The following CTDSPL variants were observed in gnomAD, a reference collection of about 807,000 sequenced individuals.
The protein encoded by CTDSPL is CTD small phosphatase like, also known as CTD small phosphatase-like protein.
Under a neutral mutation model 30.5 loss-of-function variants are expected in CTDSPL, and 8 were observed. That is an observed-to-expected ratio of 0.26 (90% CI 0.15 to 0.47). The LOEUF (loss-of-function observed/expected upper bound fraction) is 0.47. Among genes scored for constraint, CTDSPL ranks in the 20% least tolerant of loss-of-function variants. CTDSPL has a pLI of 0.99. For missense variants in CTDSPL, 248 were observed against 366.1 expected, an observed-to-expected ratio of 0.68 and a Z score of 2.63; for synonymous variants, 110 against 137.9, an observed-to-expected ratio of 0.80 and a Z score of 1.42.
chr3:37,950,657 A>G (rs942234757), intron 2 of CTDSPL, among the ~76,000 whole-genome samples: 2 of 152,204 alleles, frequency 1.3e-5, no homozygotes, highest in Admixed American at 1.3e-4. Context: ...AGAAAGAGAA[A>G]AAGTAGTAGA....
chr3:37,871,002 G>A (rs974404288), intron 1 of CTDSPL, among the ~76,000 whole-genome samples: 3 of 152,064 alleles, frequency 2.0e-5, no homozygotes, highest in African/African-American at 7.2e-5. Context: ...CACTCCTGGG[G>A]TTTTATATTC....
At chr3:37,883,626 A>G (rs898546057) in intron 1 of CTDSPL, among the ~76,000 whole-genome samples, 1 of 152,156 alleles carries the variant, frequency 6.6e-6, no homozygotes, top group African/African-American at 2.4e-5. Flanking sequence ...CAGGTTGAGG[A>G]ATTTTATTCT....
At chr3:37,872,727 A>G (rs1698089944) in intron 1 of CTDSPL, among the ~76,000 whole-genome samples, 1 of 151,828 alleles carries the variant, frequency 6.6e-6, no homozygotes, top group South Asian at 2.1e-4. Context: ...AGTGCCTGCC[A>G]GCATGCCCAG....
In CTDSPL at chr3:37,975,680, C is replaced by G; in HGVS notation, c.520-29C>G. On this transcript the variant is annotated intron_variant, in intron 6 of 7. Transcript: ENST00000273179. This position sits in a 1 kb window ranked among gnomAD's most constrained non-coding sequence, Gnocchi z 4.9. ...GGTTTGGGGGGCTCTTTTAAACACC[C>G]AGCCTTCATTGTGACACGTCTTTTC... 6.3e-7 allele frequency: 1 copy of G among 1,578,594 alleles called. No homozygotes were observed. Among genetic ancestry groups the G allele is most frequent in the Non-Finnish European group, 8.6e-7 (1 of 1,157,812 alleles).
intron 1 of CTDSPL, among the ~76,000 whole-genome samples, chr3:37,943,612 T>C (rs1374061263): frequency 6.7e-6 from 1 of 150,258 alleles, no homozygotes; most frequent in African/African-American, 2.4e-5. Flanking sequence ...TTAAAACCAA[T>C]GTTATGGGGA....
intron 1 of CTDSPL, among the ~76,000 whole-genome samples, chr3:37,917,543 T>C (rs1698663386): frequency 6.6e-6 from 1 of 152,262 alleles, no homozygotes; most frequent in South Asian, 2.1e-4. Flanking sequence ...ATTAGGTCGA[T>C]GTAATCTAGT....
chr3:37,933,081 A>T (rs1163627941), intron 1 of CTDSPL, among the ~76,000 whole-genome samples: 2 of 148,174 alleles, frequency 1.3e-5, no homozygotes, highest in African/African-American at 2.5e-5. Context: ...TGAACCTGGG[A>T]GGTGGAGGTT....
intron 1 of CTDSPL, among the ~76,000 whole-genome samples, chr3:37,907,331 TA>T (rs1440990987): frequency 6.6e-6 from 1 of 152,218 alleles, no homozygotes; most frequent in African/African-American, 2.4e-5. Context: ...AGGGCATTTT[TA>T]AACCTATACA....
At chr3:37,898,677 A>C (rs187647674) in intron 1 of CTDSPL, among the ~76,000 whole-genome samples, 71 of 152,290 alleles carry the variant, frequency 4.7e-4, no homozygotes, top group Non-Finnish European at 6.5e-4. Context: ...CTAATGTGCC[A>C]AGTAACATAC....
intron 5 of CTDSPL, 38 bp downstream of exon 5, chr3:37,967,920 T>C (rs750902695): frequency 1.5e-6 from 2 of 1,363,648 alleles, no homozygotes; most frequent in South Asian, 1.3e-5. Flanking sequence ...TCAATTAAGA[T>C]TTTTTAGTAC....
At chr3:37,968,284 A>G (rs745752354) in intron 5 of CTDSPL, 10 of 456,776 alleles carry the variant, frequency 2.2e-5, no homozygotes, top group African/African-American at 1.8e-4. Flanking sequence ...TCCATTTTCA[A>G]TGCCAGCTGC....
chr3:37,962,473 G>A (rs1559645716), intron 3 of CTDSPL, among the ~76,000 whole-genome samples: 1 of 152,122 alleles, frequency 6.6e-6, no homozygotes, highest in Non-Finnish European at 1.5e-5. Context: ...CGTACCATGA[G>A]GGGTTTTACT....
intron 2 of CTDSPL, chr3:37,955,259 A>G (rs1441858995): frequency 6.6e-6 from 1 of 152,238 alleles, no homozygotes. Context: ...TGAGGTTGAG[A>G]AACCCTACTC....
intron 1 of CTDSPL, among the ~76,000 whole-genome samples, chr3:37,886,645 A>C (rs1698266568): frequency 6.6e-6 from 1 of 152,236 alleles, no homozygotes; most frequent in African/African-American, 2.4e-5. Context: ...CCAGCAATCC[A>C]TTAGAGCTGA....
chr3:37,917,966 A>G lies in CTDSPL; in HGVS notation c.80-29091A>G, dbSNP rs542396560. On this transcript the variant is annotated intron_variant, in intron 1 of 7. Transcript: ENST00000273179. ...TTCGCAAAGAATTTCCAAGTTTCGT[A>G]GAACTATTAATAGTTCATAAAAGAT... Among the ~76,000 whole-genome samples, 7 of 152,306 alleles carry G rather than the reference A, an allele frequency of 4.6e-5. No individual in the cohort carries two copies. The South Asian group carries it at 6.2e-4, about 14-fold the overall frequency.
intron 1 of CTDSPL, among the ~76,000 whole-genome samples, chr3:37,931,924 GAT>G (rs1698860297): frequency 1.3e-5 from 2 of 152,012 alleles, no homozygotes; most frequent in South Asian, 4.1e-4. Flanking sequence ...TTTAGGGCTT[GAT>G]AAAGTGACTC....
intron 6 of CTDSPL, among the ~76,000 whole-genome samples, chr3:37,974,530 A>G (rs1699404078): frequency 1.3e-5 from 2 of 152,186 alleles, no homozygotes; most frequent in Non-Finnish European, 1.5e-5. Flanking sequence ...AGGCTTGGCA[A>G]CTGCTCCTGT....
chr3:37,884,870 G>A (rs1453862859), intron 1 of CTDSPL, among the ~76,000 whole-genome samples: 1 of 152,080 alleles, frequency 6.6e-6, no homozygotes, highest in Non-Finnish European at 1.5e-5. Flanking sequence ...AGGAGGTGGG[G>A]GTGGGAATCA....
chr3:37,901,075 G>A (rs1408738417), intron 1 of CTDSPL, among the ~76,000 whole-genome samples: 3 of 152,180 alleles, frequency 2.0e-5, no homozygotes, highest in Non-Finnish European at 4.4e-5. Context: ...GGGATTACAG[G>A]TGTGAGCCAC....
Sources: gnomAD v4.1 joint callset for allele counts (sites outside exome capture counted in the v4.1 genomes callset) on GRCh38, gnomAD v4.1.1 for gene constraint, Gnocchi (gnomAD v3.1) non-coding constraint, MANE v1.5 for transcripts, NCBI Gene and HGNC (gene_info 2026-07-23, HGNC 2026-07-21) for gene names.